Variants in THADA observed in about 807,000 individuals in gnomAD.
The protein encoded by THADA is tRNA (32-2'-O)-methyltransferase regulator THADA.
Under a neutral mutation model 219.8 loss-of-function variants are expected in THADA, and 213 were observed. The ratio of observed to expected loss-of-function variants is 0.97; its 90% CI spans 0.87 to 1.09. The LOEUF is 1.09. Ranked by LOEUF, THADA falls within the 50% of genes least tolerant of loss-of-function variation. The pLI is 0.00. For missense variants in THADA, 2,956 were observed against 2,311.3 expected, an observed-to-expected ratio of 1.28 and a Z score of -5.72; for synonymous variants, 1,018 against 828.9, an observed-to-expected ratio of 1.23 and a Z score of -3.92.
chr2:43,303,804 C>CA (rs1412095652), intron 31 of THADA, among the ~76,000 whole-genome samples: 1 of 152,038 alleles, frequency 6.6e-6, no homozygotes, highest in Non-Finnish European at 1.5e-5. Context: ...GTCAATGTCC[C>CA]ATGTAGGGTT....
chr2:43,329,294 C>T (rs10210125), intron 30 of THADA, among the ~76,000 whole-genome samples: 91 of 152,114 alleles, frequency 6.0e-4, no homozygotes, highest in African/African-American at 2.2e-3. Flanking sequence ...AATGTTAACA[C>T]AAGTCCCCTT....
At chr2:43,451,607 T>TC (rs1373055409) in intron 26 of THADA, among the ~76,000 whole-genome samples, 1 of 152,226 alleles carries the variant, frequency 6.6e-6, no homozygotes, top group East Asian at 1.9e-4. Flanking sequence ...TCTTGCTATT[T>TC]TTTTTAGAAC....
At chr2:43,339,880 G>C (rs1558606377) in intron 30 of THADA, among the ~76,000 whole-genome samples, 1 of 151,988 alleles carries the variant, frequency 6.6e-6, no homozygotes, top group Non-Finnish European at 1.5e-5. Flanking sequence ...GACTGCTTGA[G>C]CCCAGGAGTT....
chr2:43,464,515 T>C (rs1476559302), intron 26 of THADA, among the ~76,000 whole-genome samples: 5 of 152,226 alleles, frequency 3.3e-5, no homozygotes, highest in Non-Finnish European at 7.3e-5. Context: ...TTTTTTTCCA[T>C]GTAAACTAAT....
At chr2:43,468,986 A>G (rs931115746) in intron 26 of THADA, among the ~76,000 whole-genome samples, 1 of 152,246 alleles carries the variant, frequency 6.6e-6, no homozygotes, top group African/African-American at 2.4e-5. Flanking sequence ...TTAAAGCAAC[A>G]TCATTGCCTA....
intron 36 of THADA, among the ~76,000 whole-genome samples, chr2:43,278,405 T>G (rs934477520): frequency 5.9e-5 from 9 of 152,222 alleles, no homozygotes; most frequent in African/African-American, 2.2e-4. Context: ...GGGTGCGGAA[T>G]CTACTGAGTA....
At chr2:43,331,369 C>T (rs1665749266) in intron 30 of THADA, among the ~76,000 whole-genome samples, 1 of 152,208 alleles carries the variant, frequency 6.6e-6, no homozygotes, top group African/African-American at 2.4e-5. Flanking sequence ...TTCTGTTAAT[C>T]CTTAAGAGAG....
intron 11 of THADA, among the ~76,000 whole-genome samples, chr2:43,573,641 G>C (rs1373095945): frequency 6.6e-6 from 1 of 152,076 alleles, no homozygotes; most frequent in Non-Finnish European, 1.5e-5. Context: ...GCTACCTCAT[G>C]GTTACTCTTT....
chr2:43,238,300 T>C (rs1386877024), intron 36 of THADA, among the ~76,000 whole-genome samples: 1 of 151,870 alleles, frequency 6.6e-6, no homozygotes, highest in Non-Finnish European at 1.5e-5. Flanking sequence ...TATGAACAAA[T>C]CCTGTCTCTG....
chr2:43,485,024 T>G (rs6746632), intron 26 of THADA, among the ~76,000 whole-genome samples: 21,694 of 151,724 alleles, frequency 0.14, 2,100 homozygotes, highest in African/African-American at 0.27. Flanking sequence ...TGCTAAATTT[T>G]TGTTGCTTTG....
intron 30 of THADA, among the ~76,000 whole-genome samples, chr2:43,324,322 G>A (rs974594168): frequency 6.6e-6 from 1 of 152,222 alleles, no homozygotes; most frequent in Non-Finnish European, 1.5e-5. Flanking sequence ...GGCCTCCTGG[G>A]ACACTTCAGG....
At chr2:43,530,915 C>T (rs1309877315) in intron 21 of THADA, among the ~76,000 whole-genome samples, 1 of 152,210 alleles carries the variant, frequency 6.6e-6, no homozygotes, top group Non-Finnish European at 1.5e-5. Context: ...GAGATATAGG[C>T]AGTTTTTCCT....
intron 26 of THADA, among the ~76,000 whole-genome samples, chr2:43,449,601 C>T (rs1334112633): frequency 6.6e-6 from 1 of 152,048 alleles, no homozygotes; most frequent in East Asian, 1.9e-4. Context: ...GACCCCATCT[C>T]TACAAAGAAT....
chr2:43,349,294 C>T lies in THADA; in HGVS notation c.4228-5057G>A, dbSNP rs547304341. Reference sequence around the variant, plus strand: ...TCTGGAGAACCTGGAAGCAGTTACCCTCTGTCCCTCACCCCTCCACTCTAA... The same window carrying T: ...TCTGGAGAACCTGGAAGCAGTTACCTTCTGTCCCTCACCCCTCCACTCTAA... On this transcript the variant is annotated intron_variant, in intron 29 of 37. Transcript: ENST00000405975. 3.3e-5 allele frequency among the ~76,000 whole-genome samples: 5 copies of T among 152,252 alleles called. No individual in the cohort carries two copies. The South Asian group carries it at 1.0e-3, about 32-fold the overall frequency.
intron 29 of THADA, among the ~76,000 whole-genome samples, chr2:43,361,995 T>C (rs1669576152): frequency 6.6e-6 from 1 of 152,362 alleles, no homozygotes; most frequent in African/African-American, 2.4e-5. Flanking sequence ...AGGTATAATT[T>C]CTAGCCCTTT....
intron 27 of THADA, among the ~76,000 whole-genome samples, chr2:43,429,104 T>C (rs1017736165): frequency 7.5e-6 from 1 of 133,218 alleles, no homozygotes; most frequent in Non-Finnish European, 1.7e-5. Context: ...AGAATGTGTG[T>C]GTGTTTTTTT....
chr2:43,283,287 G>C (rs1490459395), intron 35 of THADA, among the ~76,000 whole-genome samples: 2 of 152,186 alleles, frequency 1.3e-5, no homozygotes, highest in Admixed American at 6.5e-5. Flanking sequence ...TTCTATATAG[G>C]AGTGTGAGAA....
chr2:43,348,359 C>T (rs1269480600), intron 29 of THADA, among the ~76,000 whole-genome samples: 1 of 152,170 alleles, frequency 6.6e-6, no homozygotes. Context: ...GGGTCAATGC[C>T]ATTTATCAAA....
intron 26 of THADA, among the ~76,000 whole-genome samples, chr2:43,444,592 T>A (rs1326729477): frequency 1.3e-5 from 2 of 152,288 alleles, no homozygotes; most frequent in Admixed American, 6.5e-5. Flanking sequence ...CAATTTCTCA[T>A]AGAAACCCTG....
Sources: gnomAD v4.1 joint callset for allele counts (sites outside exome capture counted in the v4.1 genomes callset) on GRCh38, gnomAD v4.1.1 for gene constraint, MANE v1.5 for transcripts, NCBI Gene and HGNC (gene_info 2026-07-23, HGNC 2026-07-21) for gene names.